SAMM50: variants seen among roughly 807,000 people sequenced by gnomAD.
The protein encoded by SAMM50 is sorting and assembly machinery component 50 homolog.
SAMM50 carries 47 observed loss-of-function variants against 66.9 expected under a neutral mutation model. The ratio of observed to expected loss-of-function variants is 0.70; its 90% CI spans 0.56 to 0.90. The LOEUF (loss-of-function observed/expected upper bound fraction) is 0.90, where lower values mean the gene tolerates loss of function less well. Ranked by LOEUF, SAMM50 falls within the 40% of genes least tolerant of loss-of-function variation. SAMM50 has a pLI of 0.00. For missense variants in SAMM50, 535 were observed against 595.3 expected (o/e 0.90, Z 1.05); for synonymous variants, 191 against 214.1 (o/e 0.89, Z 0.94).
Position 43,996,307 on chromosome 22 carries a change from C to T in SAMM50, c.1365-31C>T, listed in dbSNP as rs201195312. On this transcript the variant is annotated intron_variant, in intron 14 of 14. Transcript: ENST00000350028. The stretch of plus-strand genomic sequence containing the variant: ...GAAGATGGCAGGGCTGGCGGAGCGG[C>T]CGCCGCATCTGATCTCTCCCCTTTT... 5.2e-5 allele frequency: 84 copies of T among 1,613,596 alleles called. No homozygotes were observed. The African/African-American group carries it at 1.0e-3, about 19-fold the overall frequency.
intron 8 of SAMM50, 135 bp downstream of exon 8, chr22:43,976,318 A>T: frequency 1.0e-6 from 1 of 986,558 alleles, no homozygotes; most frequent in Non-Finnish European, 1.5e-6. Context: ...GGCGGCCCCC[A>T]CTCCCCGAGG....
intron 6 of SAMM50, 91 bp from the exon 7 acceptor site, chr22:43,973,145 C>T: frequency 1.5e-6 from 2 of 1,326,968 alleles, no homozygotes; most frequent in Non-Finnish European, 2.1e-6. Flanking sequence ...AAGATGAGCC[C>T]TACGGGCGTA....
intron 1 of SAMM50, among the ~76,000 whole-genome samples, chr22:43,960,045 T>A (rs532840049): frequency 1.3e-5 from 2 of 152,192 alleles, no homozygotes; most frequent in Non-Finnish European, 2.9e-5. Flanking sequence ...CCTTGTTTCA[T>A]GCTTGGAGAT....
chr22:43,981,331 G>C, intron 10 of SAMM50, 60 bp from the exon 11 acceptor site: 1 of 1,358,932 alleles, frequency 7.4e-7, no homozygotes, highest in Non-Finnish European at 1.1e-6. Context: ...GCTAGTTGCT[G>C]ATGTTCCTGG....
chr22:43,958,706 T>G (rs2050132707), intron 1 of SAMM50, among the ~76,000 whole-genome samples: 1 of 152,098 alleles, frequency 6.6e-6, no homozygotes, highest in African/African-American at 2.4e-5. Flanking sequence ...CTCAATCTCC[T>G]GACCTTGTGA....
intron 7 of SAMM50, among the ~76,000 whole-genome samples, chr22:43,974,285 G>A (rs1428678113): frequency 6.6e-6 from 1 of 152,094 alleles, no homozygotes; most frequent in Admixed American, 6.5e-5. Context: ...CCCAGCAGAA[G>A]CCCTGGAGGC....
At chr22:43,984,248 G>A (rs995475501) in intron 12 of SAMM50, among the ~76,000 whole-genome samples, 2 of 152,188 alleles carry the variant, frequency 1.3e-5, no homozygotes, top group Non-Finnish European at 2.9e-5. Flanking sequence ...GAGAGAACAT[G>A]TGTAAACGTG....
In SAMM50 at chr22:43,976,292, A is replaced by C. The variant is rs1481892301; in HGVS notation, c.777+109A>C. ...GGGCTGACTGAGAAGCGTCACCCAG[A>C]TGGGGTGTCCACAGTGGCGGCCCCC... is the stretch of plus-strand genomic sequence containing the variant. On this transcript the variant is annotated intron_variant, in intron 8 of 14. Coordinates refer to ENST00000350028, the MANE Select transcript of SAMM50 (RefSeq NM_015380.5). 3.7e-6 allele frequency: 5 copies of C among 1,343,666 alleles called. No individual in the cohort carries two copies. The African/African-American group carries it at 4.4e-5, about 12-fold the overall frequency. 83.2% of individuals were successfully genotyped at this position (1,343,666 alleles called of 1,614,324 possible). A position where few individuals can be genotyped will look rare whatever the true frequency, so the allele number is the denominator to read the frequency against.
chr22:43,958,476 CTTTTT>C (rs3083316), intron 1 of SAMM50, among the ~76,000 whole-genome samples: 1 of 112,584 alleles, frequency 8.9e-6, no homozygotes, highest in African/African-American at 3.5e-5. Flanking sequence ...TTATGGAGCT[CTTTTT>C]TTTTTTTTTT....
rs755691684 is a variant in SAMM50 at position 43,963,342 on chromosome 22, T to C, written c.78T>C (p.Ala26=). The change falls in exon 2 of 15, where the codon GCT becomes GCC. Residue 26 remains alanine, a synonymous_variant. Transcript: ENST00000350028. The part of the protein sequence containing the change: ...GPDFGGLGEE[A]EFVEVEPEAK... ...ATTTTGGAGGATTAGGAGAAGAAGC[T>C]GAATTTGTTGAAGTTGAGCCTGAAG... The C allele has an allele frequency of 5.0e-6, 8 of 1,613,398 alleles. No homozygotes were observed. Among genetic ancestry groups the C allele is most frequent in the Non-Finnish European group, 6.8e-6 (8 of 1,179,852 alleles).
chr22:43,981,161 G>A (rs551381821), intron 10 of SAMM50, among the ~76,000 whole-genome samples: 16 of 152,326 alleles, frequency 1.1e-4, no homozygotes, highest in South Asian at 1.0e-3. Context: ...GCTCGCCTTC[G>A]GTGTGTCTTG....
chr22:43,975,072 G>A (rs1433615949), intron 7 of SAMM50: 1 of 151,700 alleles, frequency 6.6e-6, no homozygotes, highest in African/African-American at 2.4e-5. Flanking sequence ...GGCCTTCTAA[G>A]GAATGAAGAA....
At chr22:43,973,600 CAT>C (rs1366669188) in intron 7 of SAMM50, among the ~76,000 whole-genome samples, 6 of 152,160 alleles carry the variant, frequency 3.9e-5, no homozygotes, top group Non-Finnish European at 7.3e-5. Flanking sequence ...GACAGTTTCT[CAT>C]AGTCAGCAGA....
chr22:43,962,881 A>AT (rs58022542), intron 1 of SAMM50, among the ~76,000 whole-genome samples: 3,734 of 65,210 alleles, frequency 0.057, 506 homozygotes, highest in African/African-American at 0.073. Context: ...CTTTTGGTTA[A>AT]TTTTTTTTTT....
chr22:43,963,153 T>A (rs1401492390), intron 1 of SAMM50, 133 bp from the exon 2 acceptor site: 3 of 585,448 alleles, frequency 5.1e-6, no homozygotes, highest in Non-Finnish European at 6.1e-6. Flanking sequence ...TGGTCCCTAT[T>A]CCTGCCCCTA....
chr22:43,976,321 C>A (rs1264645985), intron 8 of SAMM50, 138 bp downstream of exon 8: 31 of 958,284 alleles, frequency 3.2e-5, no homozygotes, highest in Non-Finnish European at 2.7e-5. Flanking sequence ...GGCCCCCACT[C>A]CCCGAGGGCT....
intron 10 of SAMM50, among the ~76,000 whole-genome samples, chr22:43,981,021 C>T (rs972127670): frequency 6.6e-6 from 1 of 152,178 alleles, no homozygotes; most frequent in African/African-American, 2.4e-5. Context: ...TTTGAGGCCG[C>T]GGCAAAGAGG....
rs565150546 is a variant in SAMM50, at chr22:43,985,893, T to A, written c.1075+1893T>A. On this transcript the variant is annotated intron_variant, in intron 12 of 14. Transcript: ENST00000350028. Reference sequence around the variant, plus strand: ...GCGTGTTTTGTCTTATGACACACTATTATCTTTTTAAAGACCAAATCCCAA... The same window carrying A: ...GCGTGTTTTGTCTTATGACACACTAATATCTTTTTAAAGACCAAATCCCAA... Among the ~76,000 whole-genome samples the A allele has an allele frequency of 8.6e-5, 13 of 151,994 alleles. No individual in the cohort carries two copies. The South Asian group carries it at 1.5e-3, about 17-fold the overall frequency.
chr22:43,959,557 C>T (rs956708802), intron 1 of SAMM50, among the ~76,000 whole-genome samples: 1 of 134,632 alleles, frequency 7.4e-6, no homozygotes, highest in Non-Finnish European at 1.6e-5. Flanking sequence ...TTAATAGAAA[C>T]AGGGTCTCAC....
Sources: allele counts gnomAD v4.1 joint callset (sites outside exome capture counted in the v4.1 genomes callset), GRCh38; gene constraint gnomAD v4.1.1; transcripts MANE v1.5; gene names NCBI Gene and HGNC (gene_info 2026-07-23, HGNC 2026-07-21).